Variants in RAPH1 observed in about 807,000 individuals in gnomAD.
RAPH1 encodes the protein ras-associated and pleckstrin homology domains-containing protein 1.
RAPH1 carries 18 observed loss-of-function variants against 88.1 expected under a neutral mutation model. That is an observed-to-expected ratio of 0.20 (90% confidence interval 0.14 to 0.30). The LOEUF is 0.30. Ranked by LOEUF, RAPH1 falls within the 10% of genes least tolerant of loss-of-function variation. RAPH1 has a pLI of 1.00. For missense variants in RAPH1, 1,448 were observed against 1,543.2 expected, an observed-to-expected ratio of 0.94 and a Z score of 1.03; for synonymous variants, 587 against 559.0, an observed-to-expected ratio of 1.05 and a Z score of -0.71.
chr2:203,491,297 A>G lies in RAPH1; in HGVS notation c.143T>C (p.Met48Thr), dbSNP rs1196051423. ...LTQSLDSDKP[M>T]EPVKRSPLRQ... ...AAGAGGAGATCTTTTTACTGGTTCC[A>G]TGGGCTTGTCAGAATCCAAACTCTT... The change falls in exon 3 of 14, where the codon ATG becomes ACG. Residue 48 changes from methionine (M) to threonine (T), a missense_variant. Coordinates refer to ENST00000319170, the MANE Select transcript of RAPH1 (RefSeq NM_213589.3). The G allele has an allele frequency of 6.2e-7, 1 of 1,612,592 alleles. No homozygotes were observed.
chr2:203,440,329 C>T lies in RAPH1; in HGVS notation c.2861G>A (p.Gly954Glu). The T allele has an allele frequency of 1.9e-6, 3 of 1,612,428 alleles. No homozygotes were observed. The highest frequency in any genetic ancestry group is 2.5e-6 in the Non-Finnish European group (3 of 1,179,176). ...CTTACTGGTCTTTTTGCCTGGAGATCCACTTTTGTCAGGGGTAGGAGAAGC... is the reference window on the plus strand; with the variant it reads ...CTTACTGGTCTTTTTGCCTGGAGATTCACTTTTGTCAGGGGTAGGAGAAGC... ...PTASPTPDKS[G>E]SPGKKTSKTS... is the part of the protein sequence containing the mutation. The change falls in exon 14 of 14, where the codon GGA (glycine) becomes GAA (glutamate). Residue 954 changes from glycine (G) to glutamate (E), a missense_variant. By Grantham distance (98) the Gly-to-Glu change is moderately conservative. Coordinates refer to ENST00000319170, the MANE Select transcript of RAPH1 (RefSeq NM_213589.3).
At chr2:203,495,449 G>A in intron 1 of RAPH1, 96 bp from the exon 2 acceptor site, 1 of 1,203,848 alleles carries the variant, frequency 8.3e-7, no homozygotes, top group Non-Finnish European at 1.1e-6. Context: ...ATATGCCTCT[G>A]AAGTCAAATC....
chr2:203,461,570 C>T (rs1006999591), intron 5 of RAPH1, among the ~76,000 whole-genome samples, 162 bp from the exon 6 acceptor site: 19 of 137,940 alleles, frequency 1.4e-4, no homozygotes, highest in African/African-American at 4.8e-4. Context: ...AATCAGACAT[C>T]AAATAACCTG....
At chr2:203,500,873 T>C (rs1413862331) in intron 1 of RAPH1, among the ~76,000 whole-genome samples, 8 of 152,224 alleles carry the variant, frequency 5.3e-5, no homozygotes, top group Admixed American at 1.3e-4. Flanking sequence ...TCCATTACCA[T>C]AGTCTCATGC....
chr2:203,499,694 C>G (rs965097871), intron 1 of RAPH1, among the ~76,000 whole-genome samples: 1 of 151,928 alleles, frequency 6.6e-6, no homozygotes, highest in African/African-American at 2.4e-5. Context: ...GCCTGAGTGA[C>G]GAGTGAACTC....
chr2:203,470,130 CA>C lies in RAPH1; in HGVS notation c.733-8206del, dbSNP rs2098531766. ...TGTAAAAGAAAAAGTATATTAATGA[CA>C]AAGATGCTAGAGTAAGAAAATAATA... On this transcript the variant is annotated intron_variant, in intron 4 of 13. Transcript: ENST00000319170. 13 of 666,158 alleles carry C rather than the reference CA, an allele frequency of 2.0e-5. No individual in the cohort carries two copies. The East Asian group carries it at 3.4e-4, about 17-fold the overall frequency. 41.3% of individuals were successfully genotyped at this position (666,158 alleles called of 1,614,324 possible).
At chr2:203,519,244 C>T (rs932660302) in intron 1 of RAPH1, among the ~76,000 whole-genome samples, 2 of 152,128 alleles carry the variant, frequency 1.3e-5, no homozygotes, top group African/African-American at 4.8e-5. Context: ...CAAAAATCCT[C>T]AACAACATAT....
chr2:203,462,717 A>G (rs2098525137), intron 4 of RAPH1, among the ~76,000 whole-genome samples: 1 of 152,116 alleles, frequency 6.6e-6, no homozygotes, highest in Non-Finnish European at 1.5e-5. Flanking sequence ...TACTTAAACC[A>G]TTTGTCTGCT....
chr2:203,506,747 T>TATATCTAG (rs1367986416), intron 1 of RAPH1, among the ~76,000 whole-genome samples: 26 of 120,492 alleles, frequency 2.2e-4, no homozygotes, highest in Non-Finnish European at 3.9e-4. Context: ...TATATCTATA[T>TATATCTAG]ATATATATAT....
chr2:203,469,541 T>C (rs1213295646), intron 4 of RAPH1, among the ~76,000 whole-genome samples: 1 of 152,224 alleles, frequency 6.6e-6, no homozygotes. Context: ...TTCAGAAATA[T>C]GTCTGATATT....
At chr2:203,513,000 G>A (rs912704832) in intron 1 of RAPH1, among the ~76,000 whole-genome samples, 1 of 152,126 alleles carries the variant, frequency 6.6e-6, no homozygotes, top group Non-Finnish European at 1.5e-5. Flanking sequence ...TATGTCCTAA[G>A]TGTGAATGAG....
chr2:203,499,865 T>C lies in RAPH1; in HGVS notation c.1-4512A>G, dbSNP rs138163062. On this transcript the variant is annotated intron_variant, in intron 1 of 13. Coordinates refer to ENST00000319170, the MANE Select transcript of RAPH1 (RefSeq NM_213589.3). ...TATTCTCCAATTCCCCAATACAGCTTAATTTCCACTAACCATACACATCAA... is the reference window on the plus strand; with the variant it reads ...TATTCTCCAATTCCCCAATACAGCTCAATTTCCACTAACCATACACATCAA... Among the ~76,000 whole-genome samples, 182 of 152,334 alleles carry C rather than the reference T, an allele frequency of 1.2e-3. 3 individuals carry two copies. Among genetic ancestry groups the C allele is most frequent in the Admixed American group, 7.6e-3 (117 of 15,296 alleles).
intron 4 of RAPH1, among the ~76,000 whole-genome samples, chr2:203,482,975 G>A (rs180902797): frequency 4.9e-4 from 75 of 152,294 alleles, no homozygotes; most frequent in Non-Finnish European, 1.3e-4. Flanking sequence ...GGGGAAAGGC[G>A]TCTGGGCAGG....
chr2:203,450,238 A>G (rs891564820), intron 10 of RAPH1, among the ~76,000 whole-genome samples: 3 of 148,936 alleles, frequency 2.0e-5, no homozygotes, highest in East Asian at 2.0e-4. Context: ...ACAATGAGGG[A>G]AAAAAAAAAG....
chr2:203,516,375 T>A (rs1219847773), intron 1 of RAPH1, among the ~76,000 whole-genome samples: 3 of 152,146 alleles, frequency 2.0e-5, no homozygotes, highest in African/African-American at 7.2e-5. Flanking sequence ...AAATAGCAAA[T>A]GGTAATAAAT....
At position 203,440,764 on chromosome 2, in the gene RAPH1, G is replaced by A. The variant is rs776434294; in HGVS notation, c.2426C>T (p.Pro809Leu). ...TGGCTGCTTTTTTGCTGGGGGCACTGGAGGAGTAGGTGTGGGTGGTGCAGC... is the reference window on the plus strand; with the variant it reads ...TGGCTGCTTTTTTGCTGGGGGCACTAGAGGAGTAGGTGTGGGTGGTGCAGC... ...TQAAPPTPTP[P>L]VPPAKKQPAF... The change falls in exon 14 of 14, where the codon CCA becomes CTA. Residue 809 changes from proline (P) to leucine (L), a missense_variant. By Grantham distance (98) the Pro-to-Leu change is moderately conservative (BLOSUM62 -3). Around this residue, in one of 2 missense-constraint regions of RAPH1, gnomAD observed 935 missense variants for 890.1 expected, o/e 1.05. Coordinates refer to ENST00000319170, the MANE Select transcript of RAPH1 (RefSeq NM_213589.3). 6.2e-6 allele frequency: 10 copies of A among 1,611,662 alleles called. No homozygotes were observed. Among genetic ancestry groups the A allele is most frequent in the Admixed American group, 1.7e-5 (1 of 59,832 alleles).
chr2:203,435,093 G>C lies in RAPH1; in HGVS notation c.*4344C>G, dbSNP rs2098497348. 6.6e-6 allele frequency: 1 copy of C among 152,576 alleles called. No individual in the cohort carries two copies. The highest frequency in any genetic ancestry group is 6.5e-5 in the Admixed American group (1 of 15,282). 9.5% of individuals were successfully genotyped at this position (152,576 alleles called of 1,614,324 possible). On this transcript the variant is annotated 3_prime_UTR_variant, in exon 14 of 14. Transcript: ENST00000319170. ...CAAAGAGCAAACCAACTGGAGAAAT[G>C]TATGTTTTTTCTTTTTATTTATCAA...
rs1371320900 is a variant in RAPH1, at chr2:203,441,374, C to T, written c.1816G>A (p.Val606Met). The change falls in exon 14 of 14, where the codon GTG becomes ATG. Residue 606 changes from valine to methionine, a missense_variant. By Grantham distance (21) the Val-to-Met change is conservative. This residue lies in a region of RAPH1 where 935 missense variants were observed against 890.1 expected (regional missense o/e 1.05). Coordinates refer to ENST00000319170, the MANE Select transcript of RAPH1 (RefSeq NM_213589.3). ...TTAGGTTGCGGGGATAAAGGGGGCACAAGTGAAGTGTAGGGCCGATTCATA... is the reference window on the plus strand; with the variant it reads ...TTAGGTTGCGGGGATAAAGGGGGCATAAGTGAAGTGTAGGGCCGATTCATA... ...ESMNRPYTSLVPPLSPQPKIV... is the reference protein window; with the variant it reads ...ESMNRPYTSLMPPLSPQPKIV... The T allele has an allele frequency of 1.9e-6, 3 of 1,574,722 alleles. No homozygotes were observed. The East Asian group carries it at 6.7e-5, about 35-fold the overall frequency.
intron 8 of RAPH1, 94 bp downstream of exon 8, chr2:203,457,436 A>C: frequency 1.1e-6 from 1 of 946,690 alleles, no homozygotes; most frequent in South Asian, 1.3e-5. Flanking sequence ...CACTCACCTC[A>C]GCCTCCCGAA....
Sources: allele counts gnomAD v4.1 joint callset (sites outside exome capture counted in the v4.1 genomes callset), GRCh38; gene constraint gnomAD v4.1.1; regional missense constraint gnomAD v4.1.1; transcripts MANE v1.5; gene names NCBI Gene and HGNC (gene_info 2026-07-23, HGNC 2026-07-21).